Variants in WLS observed in about 807,000 individuals in gnomAD.
The protein encoded by WLS is Wnt ligand secretion mediator.
WLS carries 23 observed loss-of-function variants against 62.8 expected under a neutral mutation model. That is an observed-to-expected ratio of 0.37 (90% CI 0.26 to 0.52). WLS has a LOEUF of 0.52. WLS is among the 20% of genes least tolerant of loss of function. WLS has a pLI of 0.92. For synonymous variants in WLS, 246 were observed against 244.1 expected, an observed-to-expected ratio of 1.01 and a Z score of -0.07; for missense variants, 615 against 697.3, an observed-to-expected ratio of 0.88 and a Z score of 1.33.
At chr1:68,108,830 C>T (rs75515446) in intron 11 of WLS, among the ~76,000 whole-genome samples, 6,264 of 152,042 alleles carry the variant, frequency 0.041, 184 homozygotes, top group Middle Eastern at 0.13. Flanking sequence ...GGAAAATTGG[C>T]ACACTAAAGA....
At chr1:68,185,766 C>G (rs1160948369) in intron 2 of WLS, among the ~76,000 whole-genome samples, 1 of 152,182 alleles carries the variant, frequency 6.6e-6, no homozygotes, top group Non-Finnish European at 1.5e-5. Flanking sequence ...CCTGTCCTCT[C>G]TAGGGTGCCA....
At chr1:68,214,139 T>TAATG (rs1649634166) in intron 1 of WLS, among the ~76,000 whole-genome samples, 1 of 151,882 alleles carries the variant, frequency 6.6e-6, no homozygotes, top group South Asian at 2.1e-4. Context: ...GAATTGTCAC[T>TAATG]AATGATCTTC....
chr1:68,207,012 G>T (rs192181768), intron 1 of WLS, among the ~76,000 whole-genome samples: 1 of 152,208 alleles, frequency 6.6e-6, no homozygotes, highest in African/African-American at 2.4e-5. Flanking sequence ...TTCTGTTACT[G>T]TTTGGGATCT....
intron 2 of WLS, among the ~76,000 whole-genome samples, chr1:68,192,570 C>G (rs926504735): frequency 1.4e-5 from 2 of 147,816 alleles, no homozygotes; most frequent in Non-Finnish European, 3.0e-5. Flanking sequence ...GAGAAAGAAC[C>G]TGTCACACAC....
At chr1:68,141,027 G>T (rs1404669854) in intron 10 of WLS, among the ~76,000 whole-genome samples, 3 of 137,168 alleles carry the variant, frequency 2.2e-5, no homozygotes, top group Non-Finnish European at 3.0e-5. Flanking sequence ...CTCTGCATAA[G>T]TCTTATTTCT....
At chr1:68,202,941 A>T (rs548903289) in intron 1 of WLS, 1 of 152,330 alleles carries the variant, frequency 6.6e-6, no homozygotes, top group South Asian at 2.1e-4. Flanking sequence ...ACACATTTAT[A>T]TTGGAATTTT....
At chr1:68,226,133 T>C (rs1650129160) in intron 1 of WLS, among the ~76,000 whole-genome samples, 1 of 152,240 alleles carries the variant, frequency 6.6e-6, no homozygotes, top group Non-Finnish European at 1.5e-5. Context: ...CTTTTGATGT[T>C]ACCTGATTAT....
At chr1:68,109,516 T>C (rs568922712) in intron 11 of WLS, among the ~76,000 whole-genome samples, 2 of 152,076 alleles carry the variant, frequency 1.3e-5, no homozygotes, top group Non-Finnish European at 2.9e-5. Flanking sequence ...ATTCAAAAAA[T>C]ATGAAGTCAC....
At chr1:68,149,623 A>G (rs954582057) in intron 6 of WLS, among the ~76,000 whole-genome samples, 2 of 152,120 alleles carry the variant, frequency 1.3e-5, no homozygotes, top group South Asian at 4.1e-4. Flanking sequence ...ATTTTTAACC[A>G]TGGTACCTTC....
At chr1:68,200,096 C>A (rs1211958841) in intron 1 of WLS, among the ~76,000 whole-genome samples, 1 of 152,044 alleles carries the variant, frequency 6.6e-6, no homozygotes, top group Non-Finnish European at 1.5e-5. Context: ...CAGAACAGCA[C>A]CATTTTAAAA....
At chr1:68,174,889 C>T (rs1380135380) in intron 2 of WLS, among the ~76,000 whole-genome samples, 1 of 152,186 alleles carries the variant, frequency 6.6e-6, no homozygotes, top group Non-Finnish European at 1.5e-5. Flanking sequence ...TCCTCCACTA[C>T]TCCACATCCT....
chr1:68,232,158 A>C, intron 1 of WLS, 36 bp downstream of exon 1: 1 of 1,613,288 alleles, frequency 6.2e-7, no homozygotes, highest in Non-Finnish European at 8.5e-7. Context: ...CCGAAAAGAC[A>C]GAAAGGGGGA....
At chr1:68,105,505 T>C (rs1254509338) in intron 11 of WLS, among the ~76,000 whole-genome samples, 1 of 152,182 alleles carries the variant, frequency 6.6e-6, no homozygotes, top group Non-Finnish European at 1.5e-5. Context: ...AGAAATGGTT[T>C]TGAGTAGCAA....
chr1:68,182,312 G>A (rs1299464193), intron 2 of WLS, among the ~76,000 whole-genome samples: 1 of 152,212 alleles, frequency 6.6e-6, no homozygotes, highest in African/African-American at 2.4e-5. Flanking sequence ...TCCAAGTAAT[G>A]TGCTTAACAA....
In WLS at chr1:68,139,369, A is replaced by G. The variant is rs192920262; in HGVS notation, c.1363-1436T>C. Among the ~76,000 whole-genome samples the G allele has an allele frequency of 3.4e-3, 522 of 152,284 alleles. 3 individuals are homozygous for G. The highest frequency in any genetic ancestry group is 0.012 in the African/African-American group (495 of 41,568). Reference sequence around the variant, plus strand: ...AGAATATACTAACTTTATAAAAACTATATTACTTAGAGCATCTTATGATGA... The same window carrying G: ...AGAATATACTAACTTTATAAAAACTGTATTACTTAGAGCATCTTATGATGA... On this transcript the variant is annotated intron_variant, in intron 10 of 11. Transcript: ENST00000262348.
intron 9 of WLS, among the ~76,000 whole-genome samples, chr1:68,145,654 C>T (rs940555341): frequency 2.0e-5 from 3 of 152,078 alleles, no homozygotes; most frequent in African/African-American, 7.2e-5. Context: ...AAAATGGAAA[C>T]ACATTTGTAC....
chr1:68,106,522 C>T (rs187267636), intron 11 of WLS, among the ~76,000 whole-genome samples: 48 of 152,288 alleles, frequency 3.2e-4, no homozygotes, highest in East Asian at 2.9e-3. Flanking sequence ...GGAAAGTATA[C>T]GGTTATTGGA....
chr1:68,112,932 G>A (rs888539756), intron 11 of WLS, among the ~76,000 whole-genome samples: 1 of 152,238 alleles, frequency 6.6e-6, no homozygotes, highest in Non-Finnish European at 1.5e-5. Context: ...TCCCTGCCTA[G>A]GTTGGCAGTG....
intron 7 of WLS, 147 bp from the exon 8 acceptor site, chr1:68,148,346 G>A (rs551825485): frequency 3.2e-6 from 3 of 926,078 alleles, no homozygotes; most frequent in East Asian, 5.2e-5. Flanking sequence ...AAAGAGAAAT[G>A]AAGCTTGTAG....
Sources: allele counts gnomAD v4.1 joint callset (sites outside exome capture counted in the v4.1 genomes callset), GRCh38; gene constraint gnomAD v4.1.1; transcripts MANE v1.5; gene names NCBI Gene and HGNC (gene_info 2026-07-23, HGNC 2026-07-21).